CMIP: variants seen among roughly 807,000 people sequenced by gnomAD.
The protein encoded by CMIP is c-Maf inducing protein, also known as C-Maf-inducing protein.
A neutral mutation model predicts 97.3 loss-of-function variants in CMIP; 13 were observed. The ratio of observed to expected loss-of-function variants is 0.13; its 90% CI spans 0.09 to 0.21. The LOEUF (loss-of-function observed/expected upper bound fraction) is 0.21. CMIP is among the 10% of genes least tolerant of loss of function. The probability of loss-of-function intolerance (pLI) is 1.00; values close to 1 mark genes in which losing one functional copy is unlikely to be tolerated. For missense variants in CMIP, 847 were observed against 1,024.9 expected, an observed-to-expected ratio of 0.83 and a Z score of 2.37; for synonymous variants, 538 against 436.3, an observed-to-expected ratio of 1.23 and a Z score of -2.91.
chr16:81,479,519 C>G (rs1262267292), intron 1 of CMIP, among the ~76,000 whole-genome samples: 2 of 152,146 alleles, frequency 1.3e-5, no homozygotes, highest in Admixed American at 6.5e-5. Flanking sequence ...CCTCCCCCAG[C>G]CCCTGGCAGC....
At chr16:81,612,415 T>C (rs1183620678) in intron 2 of CMIP, among the ~76,000 whole-genome samples, 1 of 152,114 alleles carries the variant, frequency 6.6e-6, no homozygotes, top group Non-Finnish European at 1.5e-5. Context: ...ACCCCAAACA[T>C]TGGCAGCAGG....
intron 10 of CMIP, among the ~76,000 whole-genome samples, chr16:81,686,554 G>A (rs1386936048): frequency 6.6e-6 from 1 of 152,144 alleles, no homozygotes. Context: ...GTAAGCGGTC[G>A]CTGGCATCAC....
intron 1 of CMIP, among the ~76,000 whole-genome samples, chr16:81,534,396 T>C (rs893354744): frequency 6.6e-6 from 1 of 152,238 alleles, no homozygotes; most frequent in Non-Finnish European, 1.5e-5. Context: ...AAAAAAAGAT[T>C]GTAAGGGTTT....
At chr16:81,704,664 C>G (rs1276976513) in intron 18 of CMIP, among the ~76,000 whole-genome samples, 3 of 75,064 alleles carry the variant, frequency 4.0e-5, no homozygotes, top group African/African-American at 1.8e-4. Flanking sequence ...CTCGTTCACC[C>G]TCCTCCCTAC....
At chr16:81,563,745 G>C (rs1305459672) in intron 1 of CMIP, among the ~76,000 whole-genome samples, 1 of 152,222 alleles carries the variant, frequency 6.6e-6, no homozygotes, top group East Asian at 1.9e-4. Flanking sequence ...TATTATTATG[G>C]GGCTTCATGG....
intron 10 of CMIP, among the ~76,000 whole-genome samples, chr16:81,690,833 C>T (rs568944250): frequency 6.6e-6 from 1 of 152,056 alleles, no homozygotes; most frequent in Non-Finnish European, 1.5e-5. Context: ...GGCTGAGGCA[C>T]GAGAATCACT....
At chr16:81,684,982 G>A (rs1905234266) in intron 10 of CMIP, among the ~76,000 whole-genome samples, 2 of 152,330 alleles carry the variant, frequency 1.3e-5, no homozygotes, top group South Asian at 4.1e-4. Flanking sequence ...CCGAGGCGGG[G>A]ACTCTGCTGG....
At chr16:81,671,725 C>T (rs897422026) in intron 8 of CMIP, among the ~76,000 whole-genome samples, 14 of 152,298 alleles carry the variant, frequency 9.2e-5, no homozygotes, top group African/African-American at 2.2e-4. Flanking sequence ...GGTTTGAACC[C>T]GGGAACCCTG....
At chr16:81,629,574 C>T (rs1422253711) in intron 3 of CMIP, among the ~76,000 whole-genome samples, 2 of 152,224 alleles carry the variant, frequency 1.3e-5, no homozygotes, top group Non-Finnish European at 2.9e-5. Flanking sequence ...CCTTTTCGAC[C>T]TTTTTACGAT....
chr16:81,674,990 A>G (rs1904285833), intron 9 of CMIP, among the ~76,000 whole-genome samples: 3 of 151,668 alleles, frequency 2.0e-5, no homozygotes, highest in Non-Finnish European at 2.9e-5. Context: ...AAGAAAGAAA[A>G]GGGTGCCCAG....
rs2092097066 is a variant in CMIP at position 81,627,934 on chromosome 16, G to A, written c.477+7008G>A. Among the ~76,000 whole-genome samples the A allele has an allele frequency of 6.6e-6, 1 of 152,140 alleles. No homozygotes were observed. Among genetic ancestry groups the A allele is most frequent in the African/African-American group, 2.4e-5 (1 of 41,420 alleles). ...CTCAGAGAGGGGAAGCCCACCTGAC[G>A]GGAAGCTGAGGGCAGGGCCTGGGTC... is the stretch of plus-strand genomic sequence containing the variant. On this transcript the variant is annotated intron_variant, in intron 3 of 20. Coordinates refer to ENST00000537098, the MANE Select transcript of CMIP (RefSeq NM_198390.3). This position sits in a 1 kb window ranked among gnomAD's most constrained non-coding sequence, Gnocchi z 4.6.
chr16:81,471,234 A>G (rs1251194969), intron 1 of CMIP, among the ~76,000 whole-genome samples: 1 of 152,228 alleles, frequency 6.6e-6, no homozygotes, highest in African/African-American at 2.4e-5. Flanking sequence ...ACATACATGC[A>G]CACATAGAAA....
chr16:81,681,120 C>T (rs747767038), intron 10 of CMIP, among the ~76,000 whole-genome samples: 10 of 152,314 alleles, frequency 6.6e-5, no homozygotes, highest in Non-Finnish European at 1.5e-4. Flanking sequence ...GATGGGGCTA[C>T]GCAGAGGAGC....
intron 10 of CMIP, among the ~76,000 whole-genome samples, chr16:81,682,786 C>T (rs1032357760): frequency 1.3e-5 from 2 of 152,134 alleles, no homozygotes; most frequent in Admixed American, 1.3e-4. Context: ...CATAGGAAGG[C>T]CCCTGCATCA....
chr16:81,532,739 T>C (rs1597515785), intron 1 of CMIP, among the ~76,000 whole-genome samples: 1 of 152,036 alleles, frequency 6.6e-6, no homozygotes, highest in South Asian at 2.1e-4. Context: ...TGTGGAGGGG[T>C]GTGACTCCCT....
rs558606255 is a variant in CMIP at position 81,452,885 on chromosome 16, GTT to G, written c.300+7362_300+7363del. Among the ~76,000 whole-genome samples the G allele has an allele frequency of 1.3e-3, 174 of 129,180 alleles. 3 individuals carry two copies. Among genetic ancestry groups the G allele is most frequent in the East Asian group, 2.7e-3 (12 of 4,390 alleles). 84.7% of individuals were successfully genotyped at this position (129,180 alleles called of 152,430 possible). A position where few individuals can be genotyped will look rare whatever the true frequency, so the allele number is the denominator to read the frequency against. ...TTTTCTTTTGTTTTTTTTTTGTTTT[GTT>G]TTTTTTTTTTTTTTTTTGCAAACCT... On this transcript the variant is annotated intron_variant, in intron 1 of 20. Transcript: ENST00000537098.
At chr16:81,683,235 G>A (rs751719512) in intron 10 of CMIP, among the ~76,000 whole-genome samples, 3 of 152,216 alleles carry the variant, frequency 2.0e-5, no homozygotes, top group East Asian at 1.9e-4. Flanking sequence ...TGTGGAAGCC[G>A]TGGCCCACTG....
At chr16:81,629,067 C>T (rs1597166198) in intron 3 of CMIP, among the ~76,000 whole-genome samples, 1 of 121,678 alleles carries the variant, frequency 8.2e-6, no homozygotes, top group Non-Finnish European at 1.6e-5. Flanking sequence ...ACCCGGGAGG[C>T]GGAGGTTGCA....
At chr16:81,467,645 A>G (rs571139361) in intron 1 of CMIP, among the ~76,000 whole-genome samples, 1 of 147,472 alleles carries the variant, frequency 6.8e-6, no homozygotes, top group African/African-American at 2.5e-5. Flanking sequence ...CAGTGGCATG[A>G]TCTTGGCTCA....
Sources: allele counts gnomAD v4.1 joint callset (sites outside exome capture counted in the v4.1 genomes callset), GRCh38; gene constraint gnomAD v4.1.1; non-coding constraint Gnocchi (gnomAD v3.1); transcripts MANE v1.5; gene names NCBI Gene and HGNC (gene_info 2026-07-23, HGNC 2026-07-21).